MARK3: variants seen among roughly 807,000 people sequenced by gnomAD.
MARK3 encodes the protein microtubule affinity regulating kinase 3.
MARK3 carries 46 observed loss-of-function variants against 90.1 expected under a neutral mutation model. The observed-to-expected ratio is 0.51, with a 90% CI of 0.40 to 0.65. The LOEUF (loss-of-function observed/expected upper bound fraction) is 0.65, where lower values mean the gene tolerates loss of function less well. Among genes scored for constraint, MARK3 ranks in the 30% least tolerant of loss-of-function variants. The pLI, the probability that MARK3 is intolerant of heterozygous loss-of-function variation, is 0.00. For synonymous variants in MARK3, 321 were observed against 332.6 expected, an observed-to-expected ratio of 0.97 and a Z score of 0.38; for missense variants, 818 against 947.2, an observed-to-expected ratio of 0.86 and a Z score of 1.79.
chr14:103,486,432 C>G (rs1321401028), intron 14 of MARK3, among the ~76,000 whole-genome samples: 1 of 151,870 alleles, frequency 6.6e-6, no homozygotes, highest in Non-Finnish European at 1.5e-5. Context: ...GAGCCAGACC[C>G]AGTCTCAAAA....
In MARK3 at chr14:103,419,008, G is replaced by A. The variant is rs535257122; in HGVS notation, c.244-9379G>A. Among the ~76,000 whole-genome samples the A allele has an allele frequency of 1.6e-3, 247 of 152,328 alleles. 3 individuals are homozygous for A. The highest frequency in any genetic ancestry group is 2.8e-3 in the Non-Finnish European group (189 of 68,036). ...GAACTCCTTTAAATTGAAAATTGAG[G>A]CTGGGCGCGGTGGCTCACGCCTGTA... is the stretch of plus-strand genomic sequence containing the variant. On this transcript the variant is annotated intron_variant, in intron 2 of 17. Coordinates refer to ENST00000429436, the MANE Select transcript of MARK3 (RefSeq NM_001128918.3).
intron 1 of MARK3, among the ~76,000 whole-genome samples, chr14:103,387,869 T>G (rs1312775915): frequency 2.6e-5 from 4 of 152,196 alleles, no homozygotes; most frequent in Non-Finnish European, 5.9e-5. Flanking sequence ...CCATGCTTTC[T>G]AAACTGAAGC....
At chr14:103,418,386 G>A (rs1233949632) in intron 2 of MARK3, among the ~76,000 whole-genome samples, 1 of 151,960 alleles carries the variant, frequency 6.6e-6, no homozygotes, top group Non-Finnish European at 1.5e-5. Flanking sequence ...GGAGCCCTAA[G>A]CATCTGATCA....
chr14:103,387,627 G>T (rs1435203878), intron 1 of MARK3, among the ~76,000 whole-genome samples: 1 of 152,032 alleles, frequency 6.6e-6, no homozygotes, highest in Non-Finnish European at 1.5e-5. Context: ...CGAGTAGCTG[G>T]GATTACTGGC....
intron 3 of MARK3, among the ~76,000 whole-genome samples, chr14:103,436,438 C>G (rs148286916): frequency 7.3e-6 from 1 of 136,616 alleles, no homozygotes; most frequent in African/African-American, 2.8e-5. Context: ...CTATCTTTCT[C>G]TTTCATTTTC....
chr14:103,476,575 TTCTA>T (rs1191582120), intron 13 of MARK3, among the ~76,000 whole-genome samples: 1 of 152,234 alleles, frequency 6.6e-6, no homozygotes, highest in Non-Finnish European at 1.5e-5. Context: ...TTGAAGTATG[TTCTA>T]TCTAACCTAA....
At chr14:103,430,422 A>C (rs1474802781) in intron 3 of MARK3, among the ~76,000 whole-genome samples, 1 of 125,642 alleles carries the variant, frequency 8.0e-6, no homozygotes, top group African/African-American at 3.0e-5. Flanking sequence ...TGTACCAGGC[A>C]ACTTTGTCAG....
At chr14:103,389,204 A>T (rs999822225) in intron 1 of MARK3, among the ~76,000 whole-genome samples, 3 of 151,556 alleles carry the variant, frequency 2.0e-5, no homozygotes, top group Non-Finnish European at 4.4e-5. Flanking sequence ...CTCTACTAAA[A>T]ATACGAAAAA....
At chr14:103,500,767 C>G (rs2075619816) in intron 17 of MARK3, among the ~76,000 whole-genome samples, 1 of 152,024 alleles carries the variant, frequency 6.6e-6, no homozygotes, top group Non-Finnish European at 1.5e-5. Context: ...GAACCACAGG[C>G]ACTGCCACCA....
chr14:103,408,543 G>A (rs1021660403), intron 2 of MARK3, among the ~76,000 whole-genome samples: 2 of 152,152 alleles, frequency 1.3e-5, no homozygotes, highest in Non-Finnish European at 2.9e-5. Flanking sequence ...CTCCCTGTGC[G>A]AGACCCTTCT....
chr14:103,470,453 C>CAATTTTTTTTTTTCTTT (rs1299534465), intron 12 of MARK3, among the ~76,000 whole-genome samples: 1 of 24,186 alleles, frequency 4.1e-5, no homozygotes, highest in Non-Finnish European at 8.3e-5. Flanking sequence ...GGAACTAAAT[C>CAATTTTTTTTTTTCTTT]TATTTTTTTT....
chr14:103,399,591 C>T (rs975333564), intron 1 of MARK3, among the ~76,000 whole-genome samples: 10 of 150,012 alleles, frequency 6.7e-5, no homozygotes, highest in South Asian at 4.2e-4. Flanking sequence ...CCCAGCTACT[C>T]GGGAGGCTGA....
chr14:103,455,584 C>T (rs904191145), intron 5 of MARK3, among the ~76,000 whole-genome samples: 1 of 151,878 alleles, frequency 6.6e-6, no homozygotes, highest in Non-Finnish European at 1.5e-5. Context: ...AAAAATTAGC[C>T]GGGTGTGGTG....
intron 2 of MARK3, among the ~76,000 whole-genome samples, chr14:103,406,640 T>G (rs945308705): frequency 6.7e-6 from 1 of 149,150 alleles, no homozygotes; most frequent in Non-Finnish European, 1.5e-5. Context: ...TCTCACTCTG[T>G]CACCCAGGCT....
At chr14:103,455,349 C>A (rs2093251159) in intron 5 of MARK3, among the ~76,000 whole-genome samples, 1 of 152,140 alleles carries the variant, frequency 6.6e-6, no homozygotes, top group African/African-American at 2.4e-5. Context: ...TGACACTTTA[C>A]CGAGCTGACA....
At chr14:103,434,733 A>G (rs953359836) in intron 3 of MARK3, among the ~76,000 whole-genome samples, 6 of 152,240 alleles carry the variant, frequency 3.9e-5, no homozygotes, top group Admixed American at 2.0e-4. Flanking sequence ...TTGTAGCCAG[A>G]TATTAAAGAA....
Position 103,503,560 on chromosome 14 carries a change from C to T in MARK3, c.*333C>T, listed in dbSNP as rs917011144. ...ATATGGAAGCATCTCCCTACACTGG[C>T]AGCCAGTCATTACTAGTACCTCTGC... On this transcript the variant is annotated 3_prime_UTR_variant, in exon 18 of 18. Transcript: ENST00000429436. 31 of 262,560 alleles carry T rather than the reference C, an allele frequency of 1.2e-4. 1 individual carries two copies. Among genetic ancestry groups the T allele is most frequent in the African/African-American group, 8.8e-5 (4 of 45,210 alleles). 16.3% of individuals were successfully genotyped at this position (262,560 alleles called of 1,614,324 possible). A position where few individuals can be genotyped will look rare whatever the true frequency, so the allele number is the denominator to read the frequency against.
chr14:103,459,453 C>G (rs111239546), intron 6 of MARK3, among the ~76,000 whole-genome samples: 1 of 152,066 alleles, frequency 6.6e-6, no homozygotes, highest in South Asian at 2.1e-4. Context: ...TGGAAGGATA[C>G]GCATCATATT....
chr14:103,481,857 C>T (rs2141878043), intron 14 of MARK3, among the ~76,000 whole-genome samples: 1 of 144,958 alleles, frequency 6.9e-6, no homozygotes, highest in Non-Finnish European at 1.5e-5. Context: ...AGCTCCGCCT[C>T]CCGGGTTCAC....
Sources: allele counts gnomAD v4.1 joint callset (sites outside exome capture counted in the v4.1 genomes callset), GRCh38; gene constraint gnomAD v4.1.1; transcripts MANE v1.5; gene names NCBI Gene and HGNC (gene_info 2026-07-23, HGNC 2026-07-21).